ADAMTS18: variants seen among roughly 807,000 people sequenced by gnomAD.
ADAMTS18 encodes ADAM metallopeptidase with thrombospondin type 1 motif 18, also known as A disintegrin and metalloproteinase with thrombospondin motifs 18.
In ADAMTS18, 157 loss-of-function variants were observed where a neutral mutation model predicts 165.9. The ratio of observed to expected loss-of-function variants is 0.95; its 90% CI spans 0.83 to 1.08. The LOEUF (loss-of-function observed/expected upper bound fraction) is 1.08. Ranked by LOEUF, ADAMTS18 falls within the 50% of genes least tolerant of loss-of-function variation. The pLI, the probability that ADAMTS18 is intolerant of heterozygous loss-of-function variation, is 0.00. For synonymous variants in ADAMTS18, 782 were observed against 578.2 expected (o/e 1.35, Z -5.06); for missense variants, 2,040 against 1,534.0 (o/e 1.33, Z -5.51).
At chr16:77,333,080 C>T (rs1290716900) in intron 12 of ADAMTS18, among the ~76,000 whole-genome samples, 2 of 152,178 alleles carry the variant, frequency 1.3e-5, no homozygotes, top group East Asian at 3.8e-4. Flanking sequence ...AATTATATGA[C>T]TGTAGAACCC....
chr16:77,408,758 G>C (rs1427747078), intron 3 of ADAMTS18, among the ~76,000 whole-genome samples: 3 of 152,138 alleles, frequency 2.0e-5, no homozygotes, highest in Non-Finnish European at 4.4e-5. Context: ...ATGGTGACAT[G>C]ATATATTTTC....
intron 8 of ADAMTS18, among the ~76,000 whole-genome samples, chr16:77,357,604 C>T (rs142980604): frequency 2.6e-5 from 4 of 152,224 alleles, no homozygotes; most frequent in East Asian, 3.9e-4. Context: ...GAAGCCATTA[C>T]GCTAGAGGAA....
At chr16:77,317,720 C>T (rs529139167) in intron 16 of ADAMTS18, among the ~76,000 whole-genome samples, 2 of 152,342 alleles carry the variant, frequency 1.3e-5, no homozygotes, top group South Asian at 2.1e-4. Context: ...AACACAAACT[C>T]CCACACACTG....
Position 77,364,363 on chromosome 16 carries a change from G to C in ADAMTS18, c.797C>G (p.Thr266Arg). Residue 266 changes from threonine (T) to arginine (R), a missense_variant, in exon 5 of 23, where the codon ACA (threonine) becomes AGA (arginine). Coordinates refer to ENST00000282849, the MANE Select transcript of ADAMTS18 (RefSeq NM_199355.4). ...RRKKYAPKPP[T>R]EDTYLRFDEY... is the part of the protein sequence containing the mutation. Reference sequence around the variant, plus strand: ...ATCAAACCTTAGATAGGTGTCCTCTGTGGGAGGCTTGGGAGCATCTACGAT... The same window carrying C: ...ATCAAACCTTAGATAGGTGTCCTCTCTGGGAGGCTTGGGAGCATCTACGAT... The C allele has an allele frequency of 1.2e-6, 2 of 1,613,770 alleles. No individual in the cohort carries two copies. The highest frequency in any genetic ancestry group is 1.7e-6 in the Non-Finnish European group (2 of 1,179,974).
intron 3 of ADAMTS18, among the ~76,000 whole-genome samples, chr16:77,400,739 G>A (rs960808270): frequency 1.3e-5 from 2 of 151,542 alleles, no homozygotes; most frequent in African/African-American, 4.9e-5. Context: ...AAAGTGCTGG[G>A]ATTACAGGAG....
At chr16:77,288,775 TTATTGTAGCAA>T (rs1298198079) in intron 22 of ADAMTS18, among the ~76,000 whole-genome samples, 2 of 152,180 alleles carry the variant, frequency 1.3e-5, no homozygotes, top group Non-Finnish European at 2.9e-5. Flanking sequence ...TTAAAAAGCA[TTATTGTAGCAA>T]TTAAATATTC....
At position 77,282,927 on chromosome 16, in the gene ADAMTS18, G is replaced by A. The variant is rs11408636; in HGVS notation, c.*1029C>T. The A allele has an allele frequency of 3.7e-4, 7 of 18,846 alleles. No homozygotes were observed. Among genetic ancestry groups the A allele is most frequent in the Admixed American group, 9.3e-4 (2 of 2,162 alleles). 1.2% of individuals were successfully genotyped at this position (18,846 alleles called of 1,614,324 possible). On this transcript the variant is annotated 3_prime_UTR_variant, in exon 23 of 23. Coordinates refer to ENST00000282849, the MANE Select transcript of ADAMTS18 (RefSeq NM_199355.4). ...CTCTCTTTTTTTTTTTTTTTTTTTT[G>A]CTGTTAGCTCAATCCTAGGGCAAAT...
intron 10 of ADAMTS18, among the ~76,000 whole-genome samples, chr16:77,352,336 A>T (rs2056567877): frequency 6.6e-6 from 1 of 152,202 alleles, no homozygotes; most frequent in East Asian, 1.9e-4. Context: ...AATATTAATG[A>T]CTGAAGTTTA....
In ADAMTS18 at chr16:77,431,375, C is replaced by T. The variant is rs370138720; in HGVS notation, c.415G>A (p.Glu139Lys). 1.3e-5 allele frequency: 21 copies of T among 1,613,994 alleles called. No homozygotes were observed. The highest frequency in any genetic ancestry group is 1.6e-4 in the Middle Eastern group (1 of 6,084). ...CCCTGATAGAAGCATTGCTGCACCT[C>T]GGGTTTCTGAGTCTCTGAAGCACCA... ...KDGASETQKP[E>K]VQQCFYQGFI... Residue 139 changes from glutamate (E) to lysine (K), a missense_variant, in exon 3 of 23, where the codon GAG (glutamate) becomes AAG (lysine). Glu to Lys is a moderately conservative substitution (Grantham distance 56, BLOSUM62 1). Coordinates refer to ENST00000282849, the MANE Select transcript of ADAMTS18 (RefSeq NM_199355.4).
At chr16:77,335,734 T>C (rs756118458) in intron 12 of ADAMTS18, 22 bp downstream of exon 12, 2 of 1,614,154 alleles carry the variant, frequency 1.2e-6, no homozygotes, top group Admixed American at 3.3e-5. Flanking sequence ...TTGCAAAGAC[T>C]AACTTTCTGC....
At chr16:77,421,955 A>G (rs1197112450) in intron 3 of ADAMTS18, among the ~76,000 whole-genome samples, 1 of 152,164 alleles carries the variant, frequency 6.6e-6, no homozygotes, top group Non-Finnish European at 1.5e-5. Context: ...CAAAATATAC[A>G]TTGTTTTTAA....
chr16:77,293,076 C>G lies in ADAMTS18; in HGVS notation c.3189G>C (p.Glu1063Asp), dbSNP rs1302744202. The change falls in exon 20 of 23, where the codon GAG (glutamate) becomes GAC (aspartate). Residue 1063 changes from glutamate to aspartate, a missense_variant and splice_region_variant. Physicochemically the swap from Glu to Asp is conservative, Grantham distance 45. Transcript: ENST00000282849. The stretch of plus-strand genomic sequence containing the variant: ...CCCAGCAGTGACTTCTAATCCATAC[C>G]TCGCTCCACGAAGAAGCGACCCACT... ...RLQWVASSWS[E>D]CSATCGLGVR... 6.2e-7 allele frequency: 1 copy of G among 1,613,998 alleles called. No homozygotes were observed. Among genetic ancestry groups the G allele is most frequent in the South Asian group, 1.1e-5 (1 of 91,068 alleles).
chr16:77,325,678 G>A (rs10871334), intron 13 of ADAMTS18, among the ~76,000 whole-genome samples, 188 bp downstream of exon 13: 34,920 of 142,174 alleles, frequency 0.25, 4,423 homozygotes, highest in East Asian at 0.46. Flanking sequence ...CTTATAGGGG[G>A]AAAAAAAAAA....
At chr16:77,425,902 C>T (rs2057665999) in intron 3 of ADAMTS18, among the ~76,000 whole-genome samples, 1 of 151,996 alleles carries the variant, frequency 6.6e-6, no homozygotes, top group African/African-American at 2.4e-5. Context: ...AAAAATTAGC[C>T]AGGCGTGGTG....
chr16:77,431,453 T>G lies in ADAMTS18; in HGVS notation c.337A>C (p.Lys113Gln), dbSNP rs186502315. Residue 113 changes from lysine (K) to glutamine (Q), a missense_variant, in exon 3 of 23, where the codon AAG becomes CAG. By Grantham distance (53) the Lys-to-Gln change is moderately conservative. Coordinates refer to ENST00000282849, the MANE Select transcript of ADAMTS18 (RefSeq NM_199355.4). ...AFGQELHLEL[K>Q]PSAILSSHFI... The stretch of plus-strand genomic sequence containing the variant: ...TGACTGCTCAAAATCGCCGAGGGCT[T>G]AAGTTCTAAGTGCAGTTCCTGTCCA... 81 of 1,614,184 alleles carry G rather than the reference T, an allele frequency of 5.0e-5. No individual in the cohort carries two copies. Among genetic ancestry groups the G allele is most frequent in the Non-Finnish European group, 1.7e-6 (2 of 1,180,032 alleles).
chr16:77,286,120 C>A (rs2055245693), intron 22 of ADAMTS18, among the ~76,000 whole-genome samples: 1 of 152,152 alleles, frequency 6.6e-6, no homozygotes, highest in South Asian at 2.1e-4. Flanking sequence ...GTACTCCAAG[C>A]ATCGTGCCAT....
intron 21 of ADAMTS18, 25 bp from the exon 22 acceptor site, chr16:77,289,436 G>C (rs746469964): frequency 3.4e-5 from 54 of 1,606,990 alleles, no homozygotes; most frequent in Middle Eastern, 1.7e-4. Context: ...AGAGGAAGGA[G>C]TCAGAAACAC....
At position 77,362,026 on chromosome 16, in the gene ADAMTS18, G is replaced by A. The variant is rs909573110; in HGVS notation, c.1216+79C>T. On this transcript the variant is annotated intron_variant, in intron 7 of 22. Transcript: ENST00000282849. The stretch of plus-strand genomic sequence containing the variant: ...TGTCTGTTTATTAAGGAACATAAGG[G>A]CTATCCATCATCCATAGAAAGTTTC... 6.2e-6 allele frequency: 9 copies of A among 1,461,652 alleles called. No individual in the cohort carries two copies. In the African/African-American group the frequency reaches 1.1e-4, roughly 18 times the overall value. The allele number at this position is 1,461,652 out of a possible 1,614,324, so 90.5% of individuals were successfully genotyped here. A position where few individuals can be genotyped will look rare whatever the true frequency, so the allele number is the denominator to read the frequency against.
At chr16:77,379,385 T>C (rs568886884) in intron 3 of ADAMTS18, among the ~76,000 whole-genome samples, 23 of 152,342 alleles carry the variant, frequency 1.5e-4, no homozygotes, top group African/African-American at 2.2e-4. Context: ...TGAATGGCTA[T>C]TGCTGGGAGA....
Sources: allele counts gnomAD v4.1 joint callset (sites outside exome capture counted in the v4.1 genomes callset), GRCh38; gene constraint gnomAD v4.1.1; transcripts MANE v1.5; gene names NCBI Gene and HGNC (gene_info 2026-07-23, HGNC 2026-07-21).